NELFB: variants seen among roughly 807,000 people sequenced by gnomAD.
NELFB encodes negative elongation factor B.
A neutral mutation model predicts 60.2 loss-of-function variants in NELFB; 34 were observed. That is an observed-to-expected ratio of 0.56 (90% CI 0.43 to 0.75). The LOEUF (loss-of-function observed/expected upper bound fraction) is 0.75, where lower values mean the gene tolerates loss of function less well. NELFB is among the 30% of genes least tolerant of loss of function. The probability of loss-of-function intolerance (pLI) is 0.00; values close to 1 mark genes in which losing one functional copy is unlikely to be tolerated. For synonymous variants in NELFB, 459 were observed against 382.1 expected (o/e 1.20, Z -2.35); for missense variants, 770 against 831.6 (o/e 0.93, Z 0.91).
chr9:137,265,387 C>CT lies in NELFB; in HGVS notation c.1041-471dup, dbSNP rs66744887. On this transcript the variant is annotated intron_variant, in intron 6 of 12. Coordinates refer to ENST00000343053, the MANE Select transcript of NELFB (RefSeq NM_015456.5). ...TTAAGGACAAATTGCAAACCTTAAG[C>CT]TTTTTTTTTTTTTTTTTTTGAGACA... Among the ~76,000 whole-genome samples, 57 of 91,840 alleles carry CT rather than the reference C, an allele frequency of 6.2e-4. 1 individual carries two copies. Among genetic ancestry groups the CT allele is most frequent in the African/African-American group, 1.5e-3 (37 of 23,954 alleles). 60.3% of individuals were successfully genotyped at this position (91,840 alleles called of 152,430 possible). A position where few individuals can be genotyped will look rare whatever the true frequency, so the allele number is the denominator to read the frequency against.
Position 137,264,446 on chromosome 9 carries a change from G to A in NELFB, c.1040+89G>A, listed in dbSNP as rs192395911. Reference sequence around the variant, plus strand: ...CTGTGTTTTGCCGTGGGTAGCAGGCGTTTATTCCCGGATATTGCTTTTTCT... The same window carrying A: ...CTGTGTTTTGCCGTGGGTAGCAGGCATTTATTCCCGGATATTGCTTTTTCT... On this transcript the variant is annotated intron_variant, in intron 6 of 12. Transcript: ENST00000343053. 1,346 of 910,210 alleles carry A rather than the reference G, an allele frequency of 1.5e-3. 4 individuals are homozygous for A. In the Middle Eastern group the frequency reaches 0.02, roughly 14 times the overall value. The allele number at this position is 910,210 out of a possible 1,614,324, so 56.4% of individuals were successfully genotyped here. A position where few individuals can be genotyped will look rare whatever the true frequency, so the allele number is the denominator to read the frequency against.
intron 11 of NELFB, 27 bp from the exon 12 acceptor site, chr9:137,272,480 G>T (rs747554817): frequency 5.6e-6 from 9 of 1,597,474 alleles, no homozygotes; most frequent in South Asian, 4.5e-5. Context: ...CCTGCCTCCT[G>T]CCCCAGCCCT....
intron 6 of NELFB, 111 bp from the exon 7 acceptor site, chr9:137,265,766 G>A: frequency 4.2e-6 from 3 of 719,074 alleles, no homozygotes; most frequent in Non-Finnish European, 7.6e-6. Context: ...AGCATGTGAT[G>A]GGCACCCGCT....
chr9:137,267,406 C>A, intron 10 of NELFB, 60 bp downstream of exon 10: 12 of 1,503,274 alleles, frequency 8.0e-6, no homozygotes, highest in Non-Finnish European at 1.1e-5. Context: ...CGTATGCAGT[C>A]CTGCCCAGGG....
In NELFB at chr9:137,255,359, G is replaced by C. The variant is rs1012910636; in HGVS notation, c.-7G>C. ...GGACGCGCGCGGAGTCGCGCGGCGG[G>C]CGGGACCTGGCCGAGCTGGAGGGCG... On this transcript the variant is annotated 5_prime_UTR_variant, in exon 1 of 13. Coordinates refer to ENST00000343053, the MANE Select transcript of NELFB (RefSeq NM_015456.5). 4 of 455,322 alleles carry C rather than the reference G, an allele frequency of 8.8e-6. No homozygotes were observed. The highest frequency in any genetic ancestry group is 1.4e-5 in the Non-Finnish European group (4 of 289,786). The allele number at this position is 455,322 out of a possible 1,614,324, so 28.2% of individuals were successfully genotyped here. A position where few individuals can be genotyped will look rare whatever the true frequency, so the allele number is the denominator to read the frequency against.
Position 137,256,419 on chromosome 9 carries a change from C to T in NELFB, c.501C>T (p.His167=). The stretch of plus-strand genomic sequence containing the variant: ...CCGTGGTGATGTGCGTCATGAAGCA[C>T]CTGCCCAAGGTAGGGCCCTAACCCT... Residue 167 remains histidine, a synonymous_variant, in exon 3 of 13, where the codon CAC becomes CAT. Coordinates refer to ENST00000343053, the MANE Select transcript of NELFB (RefSeq NM_015456.5). The T allele has an allele frequency of 6.2e-7, 1 of 1,613,648 alleles. No homozygotes were observed. Among genetic ancestry groups the T allele is most frequent in the Non-Finnish European group, 8.5e-7 (1 of 1,179,960 alleles).
chr9:137,272,306 C>G, intron 11 of NELFB, 84 bp downstream of exon 11: 1 of 1,576,994 alleles, frequency 6.3e-7, no homozygotes, highest in East Asian at 2.2e-5. Context: ...CTGTCCCCAG[C>G]CTGGGGCGGA....
rs1350393575 is a variant in NELFB, at chr9:137,266,971, C to G, written c.1267C>G (p.Pro423Ala). The change falls in exon 9 of 13, where the codon CCG becomes GCG. Residue 423 changes from proline to alanine, a missense_variant. Transcript: ENST00000343053. ...GGTAGAGCTCATCACCAGGTTCCTCCCGATGCTCATGTCCTTCCTGGTGGA... is the reference window on the plus strand; with the variant it reads ...GGTAGAGCTCATCACCAGGTTCCTCGCGATGCTCATGTCCTTCCTGGTGGA... 6.2e-7 allele frequency: 1 copy of G among 1,613,846 alleles called. No homozygotes were observed. The highest frequency in any genetic ancestry group is 1.7e-5 in the Admixed American group (1 of 60,024).
chr9:137,266,868 C>T (rs1830523639), intron 8 of NELFB, 76 bp from the exon 9 acceptor site: 2 of 1,520,202 alleles, frequency 1.3e-6, no homozygotes, highest in Admixed American at 1.9e-5. Context: ...GGGCCAGGGG[C>T]AGGGTGTGTG....
chr9:137,256,235 G>T, intron 2 of NELFB, 94 bp from the exon 3 acceptor site: 1 of 1,399,384 alleles, frequency 7.1e-7, no homozygotes. Context: ...GGGCGTGGAG[G>T]CTTGTCCTGG....
At position 137,265,387 on chromosome 9, in the gene NELFB, C is replaced by CTTTTTTTTTTTTTTTT. The variant is rs66744887; in HGVS notation, c.1041-486_1041-471dup. Among the ~76,000 whole-genome samples, 2 of 91,832 alleles carry CTTTTTTTTTTTTTTTT rather than the reference C, an allele frequency of 2.2e-5. 1 individual carries two copies. 60.2% of individuals were successfully genotyped at this position (91,832 alleles called of 152,430 possible). A position where few individuals can be genotyped will look rare whatever the true frequency, so the allele number is the denominator to read the frequency against. The stretch of plus-strand genomic sequence containing the variant: ...TTAAGGACAAATTGCAAACCTTAAG[C>CTTTTTTTTTTTTTTTT]TTTTTTTTTTTTTTTTTTTGAGACA... On this transcript the variant is annotated intron_variant, in intron 6 of 12. Coordinates refer to ENST00000343053, the MANE Select transcript of NELFB (RefSeq NM_015456.5).
At chr9:137,262,245 CCGGGGAAAGGGAGACT>C (rs1202925104) in intron 4 of NELFB, among the ~76,000 whole-genome samples, 1 of 152,102 alleles carries the variant, frequency 6.6e-6, no homozygotes, top group Non-Finnish European at 1.5e-5. Flanking sequence ...CTAAACTCCC[CCGGGGAAAGGGAGACT>C]CCCTTTCCCT....
In NELFB at chr9:137,272,432, C is replaced by T. The variant is rs566971462; in HGVS notation, c.1632-75C>T. 8.1e-6 allele frequency: 12 copies of T among 1,490,128 alleles called. No individual in the cohort carries two copies. The East Asian group carries it at 2.6e-4, about 32-fold the overall frequency. 92.3% of individuals were successfully genotyped at this position (1,490,128 alleles called of 1,614,324 possible). On this transcript the variant is annotated intron_variant, in intron 11 of 12. Transcript: ENST00000343053. ...CATGTCCTGTCTCCAGGGGCCTTGG[C>T]CACCTGCATCTGGGCTGGGCCTGGG...
chr9:137,267,437 G>T, intron 10 of NELFB, 91 bp downstream of exon 10: 1 of 1,127,610 alleles, frequency 8.9e-7, no homozygotes, highest in Non-Finnish European at 1.3e-6. Context: ...AGGGCCCCCA[G>T]GAGCTGCCTT....
At chr9:137,263,436 C>T (rs570331081) in intron 5 of NELFB, among the ~76,000 whole-genome samples, 63 of 121,516 alleles carry the variant, frequency 5.2e-4, no homozygotes, top group Admixed American at 6.5e-4. Context: ...TGCCCTCCCT[C>T]CCTCCTTCCC....
chr9:137,256,337 AG>A lies in NELFB; in HGVS notation c.420del (p.Lys140AsnfsTer13). The A allele has an allele frequency of 6.2e-7, 1 of 1,613,972 alleles. No homozygotes were observed. Among genetic ancestry groups the A allele is most frequent in the South Asian group, 1.1e-5 (1 of 91,084 alleles). The stretch of plus-strand genomic sequence containing the variant: ...CCTGTGAGTTGTTCCAGGTACAAGA[AG>A]CTGGAAGACCTTCTGGAGAAGAGCT... On this transcript the variant is annotated frameshift_variant, in exon 3 of 13. Coordinates refer to ENST00000343053, the MANE Select transcript of NELFB (RefSeq NM_015456.5). LOFTEE classifies it high-confidence loss of function.
intron 4 of NELFB, among the ~76,000 whole-genome samples, chr9:137,258,968 C>A (rs539123705): frequency 6.6e-6 from 1 of 152,120 alleles, no homozygotes; most frequent in South Asian, 2.1e-4. Flanking sequence ...CTTTGGGAGG[C>A]GGAGGTGGGA....
intron 1 of NELFB, 65 bp downstream of exon 1, chr9:137,255,676 G>A: frequency 6.7e-7 from 1 of 1,486,368 alleles, no homozygotes; most frequent in Admixed American, 2.3e-5. Flanking sequence ...CGGGAGTCGG[G>A]CCTGGCGGAG....
In NELFB at chr9:137,272,489, C is replaced by G; in HGVS notation, c.1632-18C>G. The G allele has an allele frequency of 1.2e-6, 2 of 1,606,730 alleles. No homozygotes were observed. The highest frequency in any genetic ancestry group is 1.3e-5 in the African/African-American group (1 of 74,988). On this transcript the variant is annotated intron_variant, in intron 11 of 12. Transcript: ENST00000343053. ...GCAGGGCCTGCCTCCTGCCCCAGCC[C>G]TGCACGGCCTTTTCCAGGAAGGAGA... is the stretch of plus-strand genomic sequence containing the variant.
Sources: allele counts gnomAD v4.1 joint callset (sites outside exome capture counted in the v4.1 genomes callset), GRCh38; gene constraint gnomAD v4.1.1; transcripts MANE v1.5; gene names NCBI Gene and HGNC (gene_info 2026-07-23, HGNC 2026-07-21).